Variants in PTPRQ observed in about 807,000 individuals in gnomAD.
PTPRQ encodes phosphatidylinositol phosphatase PTPRQ.
In PTPRQ, 199 loss-of-function variants were observed where a neutral mutation model predicts 246.0. The observed-to-expected ratio is 0.81, with a 90% CI of 0.72 to 0.91. PTPRQ has a LOEUF of 0.91. PTPRQ is among the 40% of genes least tolerant of loss of function. The probability of loss-of-function intolerance (pLI) is 0.00; values close to 1 mark genes in which losing one functional copy is unlikely to be tolerated. For missense variants in PTPRQ, 2,624 were observed against 2,528.4 expected, an observed-to-expected ratio of 1.04 and a Z score of -0.81; for synonymous variants, 869 against 853.2, an observed-to-expected ratio of 1.02 and a Z score of -0.32.
intron 35 of PTPRQ, among the ~76,000 whole-genome samples, chr12:80,643,050 T>G (rs1221523084): frequency 6.6e-6 from 1 of 152,046 alleles, no homozygotes; most frequent in East Asian, 1.9e-4. Flanking sequence ...TCAAATTTAA[T>G]GCTTCTTTTA....
intron 17 of PTPRQ, among the ~76,000 whole-genome samples, chr12:80,516,023 TC>T (rs55897876): frequency 0.045 from 6,809 of 152,088 alleles, 172 homozygotes; most frequent in Middle Eastern, 0.088. Context: ...AACTAGCATT[TC>T]CCCCCTGCAG....
intron 39 of PTPRQ, among the ~76,000 whole-genome samples, chr12:80,658,701 T>C (rs1244771543): frequency 6.6e-6 from 1 of 152,090 alleles, no homozygotes; most frequent in Non-Finnish European, 1.5e-5. Flanking sequence ...TGTTGGGTTT[T>C]TTTTTAACCA....
At chr12:80,495,893 A>G in intron 12 of PTPRQ, 106 bp from the exon 13 acceptor site, 1 of 1,310,260 alleles carries the variant, frequency 7.6e-7, no homozygotes, top group Non-Finnish European at 1.0e-6. Context: ...CGATATAGAT[A>G]TCTAGTCCCC....
intron 25 of PTPRQ, among the ~76,000 whole-genome samples, chr12:80,558,422 C>T (rs959467108): frequency 6.6e-6 from 1 of 151,280 alleles, no homozygotes; most frequent in Non-Finnish European, 1.5e-5. Flanking sequence ...CCCACCTCGG[C>T]CTCCCAAAGT....
intron 25 of PTPRQ, among the ~76,000 whole-genome samples, chr12:80,562,524 T>C (rs1896857261): frequency 6.6e-6 from 1 of 152,166 alleles, no homozygotes; most frequent in African/African-American, 2.4e-5. Flanking sequence ...AATTCATAGA[T>C]TGCAAAGGAA....
rs146340020 is a variant in PTPRQ, at chr12:80,515,714, G to A, written c.2678+5271G>A. ...CTCCCAAAGTGCTGGGATTACAGGCGTGAGCCACTACACCTGACTGAATAT... is the reference window on the plus strand; with the variant it reads ...CTCCCAAAGTGCTGGGATTACAGGCATGAGCCACTACACCTGACTGAATAT... On this transcript the variant is annotated intron_variant, in intron 17 of 44. Coordinates refer to ENST00000644991, the MANE Select transcript of PTPRQ (RefSeq NM_001145026.2). Among the ~76,000 whole-genome samples the A allele has an allele frequency of 2.3e-4, 35 of 150,270 alleles. No homozygotes were observed. In the East Asian group the frequency reaches 3.3e-3, roughly 14 times the overall value.
intron 8 of PTPRQ, among the ~76,000 whole-genome samples, chr12:80,484,230 C>T (rs1894192282): frequency 6.6e-6 from 1 of 152,078 alleles, no homozygotes; most frequent in African/African-American, 2.4e-5. Context: ...TGGTCTCGAA[C>T]TCCTTACCTC....
chr12:80,514,151 C>T (rs1895207115), intron 17 of PTPRQ, among the ~76,000 whole-genome samples: 1 of 152,060 alleles, frequency 6.6e-6, no homozygotes, highest in African/African-American at 2.4e-5. Context: ...TTATTTCTCT[C>T]ACTCTTTTTT....
chr12:80,621,086 A>G (rs962238462), intron 32 of PTPRQ, among the ~76,000 whole-genome samples: 3 of 151,850 alleles, frequency 2.0e-5, no homozygotes, highest in Non-Finnish European at 4.4e-5. Flanking sequence ...AGGTGCTTTC[A>G]TTTGTGCCTG....
In PTPRQ at chr12:80,495,986, C is replaced by G; in HGVS notation, c.1883-13C>G. The G allele has an allele frequency of 6.5e-7, 1 of 1,545,506 alleles. No individual in the cohort carries two copies. Among genetic ancestry groups the G allele is most frequent in the Non-Finnish European group, 8.7e-7 (1 of 1,144,906 alleles). ...TTTAAGGACATTAAACAGTTTGTCT[C>G]TTGTCCTTATAGGGTTAAAGAAATA... is the stretch of plus-strand genomic sequence containing the variant. On this transcript the variant is annotated splice_polypyrimidine_tract_variant and intron_variant, in intron 12 of 44. Coordinates refer to ENST00000644991, the MANE Select transcript of PTPRQ (RefSeq NM_001145026.2).
chr12:80,652,395 CTACT>C (rs2121231711), intron 37 of PTPRQ, among the ~76,000 whole-genome samples: 1 of 152,178 alleles, frequency 6.6e-6, no homozygotes, highest in South Asian at 2.1e-4. Context: ...ATCCCTTTTC[CTACT>C]AAGTAGACAT....
intron 35 of PTPRQ, among the ~76,000 whole-genome samples, chr12:80,643,017 C>G (rs908455712): frequency 4.7e-5 from 7 of 148,434 alleles, no homozygotes; most frequent in Non-Finnish European, 8.9e-5. Flanking sequence ...AAGGAAGAAA[C>G]ATTGCCTCCA....
At position 80,679,070 on chromosome 12, in the gene PTPRQ, G is replaced by C; in HGVS notation, c.*47G>C. ...ATTGGAAGAGATTTTTAAATCCCAG[G>C]GGCCAAAGTTACCCCCTCATTCTTC... On this transcript the variant is annotated 3_prime_UTR_variant, in exon 45 of 45. Coordinates refer to ENST00000644991, the MANE Select transcript of PTPRQ (RefSeq NM_001145026.2). 1.3e-6 allele frequency: 2 copies of C among 1,529,406 alleles called. No homozygotes were observed. Among genetic ancestry groups the C allele is most frequent in the Middle Eastern group, 1.7e-4 (1 of 5,876 alleles). The allele number at this position is 1,529,406 out of a possible 1,614,324, so 94.7% of individuals were successfully genotyped here.
rs1193744240 is a variant in PTPRQ at position 80,468,654 on chromosome 12, G to A, written c.911-56G>A. 1.4e-5 allele frequency: 20 copies of A among 1,427,462 alleles called. No homozygotes were observed. The South Asian group carries it at 2.6e-4, about 18-fold the overall frequency. The allele number at this position is 1,427,462 out of a possible 1,614,324, so 88.4% of individuals were successfully genotyped here. ...TGTGTTTTATTATGTGTATTTAATA[G>A]GGTGCGCTTTCATTTTAAATATATG... On this transcript the variant is annotated intron_variant, in intron 6 of 44. Transcript: ENST00000644991.
chr12:80,648,415 T>C (rs745988104), intron 35 of PTPRQ, among the ~76,000 whole-genome samples: 1 of 151,754 alleles, frequency 6.6e-6, no homozygotes, highest in African/African-American at 2.4e-5. Context: ...GAAATAGTTA[T>C]AATTTGTTGT....
At chr12:80,463,282 A>C (rs1310197286) in intron 6 of PTPRQ, among the ~76,000 whole-genome samples, 1 of 152,250 alleles carries the variant, frequency 6.6e-6, no homozygotes, top group Non-Finnish European at 1.5e-5. Context: ...GGAAGATGAA[A>C]TGAATGAAAT....
chr12:80,515,171 A>G (rs73147041), intron 17 of PTPRQ, among the ~76,000 whole-genome samples: 2,725 of 152,048 alleles, frequency 0.018, 41 homozygotes, highest in Non-Finnish European at 0.03. Flanking sequence ...TACCATAATC[A>G]GTTTTGGGGA....
intron 33 of PTPRQ, among the ~76,000 whole-genome samples, chr12:80,624,461 C>T (rs1301283705): frequency 4.6e-5 from 7 of 152,114 alleles, no homozygotes; most frequent in African/African-American, 1.7e-4. Context: ...TCTGGATTGA[C>T]CACATGGAGT....
At chr12:80,576,557 G>A (rs1897284040) in intron 25 of PTPRQ, among the ~76,000 whole-genome samples, 1 of 151,942 alleles carries the variant, frequency 6.6e-6, no homozygotes, top group South Asian at 2.1e-4. Context: ...CTATCCGTCT[G>A]TTGATTTGTT....
Sources: allele counts gnomAD v4.1 joint callset (sites outside exome capture counted in the v4.1 genomes callset), GRCh38; gene constraint gnomAD v4.1.1; transcripts MANE v1.5; gene names NCBI Gene and HGNC (gene_info 2026-07-23, HGNC 2026-07-21).